UST: variants seen among roughly 807,000 people sequenced by gnomAD.
UST encodes chondroitin sulfate 2-O-sulfotransferase.
A neutral mutation model predicts 45.6 loss-of-function variants in UST; 21 were observed. The ratio of observed to expected loss-of-function variants is 0.46; its 90% CI spans 0.33 to 0.66. The LOEUF is 0.66. Among genes scored for constraint, UST ranks in the 30% least tolerant of loss-of-function variants. The probability of loss-of-function intolerance (pLI) is 0.02; values close to 1 mark genes in which losing one functional copy is unlikely to be tolerated. For missense variants in UST, 463 were observed against 512.4 expected (o/e 0.90, Z 0.93); for synonymous variants, 215 against 200.6 (o/e 1.07, Z -0.61).
intron 1 of UST, among the ~76,000 whole-genome samples, chr6:148,886,746 G>A (rs62426102): frequency 0.14 from 21,959 of 152,134 alleles, 1,813 homozygotes; most frequent in South Asian, 0.29. Context: ...TGTGTGTTAT[G>A]TATGTTTGTG....
intron 2 of UST, among the ~76,000 whole-genome samples, chr6:148,920,683 T>C (rs113653067): frequency 0.026 from 3,941 of 152,238 alleles, 181 homozygotes; most frequent in African/African-American, 0.09. Flanking sequence ...TGCATGCCAC[T>C]ATGCCTGGCT....
At chr6:148,859,873 A>G (rs2114798254) in intron 1 of UST, among the ~76,000 whole-genome samples, 1 of 152,300 alleles carries the variant, frequency 6.6e-6, no homozygotes, top group African/African-American at 2.4e-5. Flanking sequence ...TGGTACCAGT[A>G]CCGTGCTGTT....
Position 148,747,492 on chromosome 6 carries a change from T to A in UST, c.62T>A (p.Met21Lys). 6.6e-7 allele frequency: 1 copy of A among 1,517,910 alleles called. No individual in the cohort carries two copies. The highest frequency in any genetic ancestry group is 8.8e-7 in the Non-Finnish European group (1 of 1,132,514). The allele number at this position is 1,517,910 out of a possible 1,614,324, so 94.0% of individuals were successfully genotyped here. A position where few individuals can be genotyped will look rare whatever the true frequency, so the allele number is the denominator to read the frequency against. ...GATCCCTGGCCCCATGGGGCCCCTA[T>A]GGGGGGCGCCCCTCCGGGCCTGGGC... is the stretch of plus-strand genomic sequence containing the variant. ...GADPWPHGAP[M>K]GGAPPGLGSW... Residue 21 changes from methionine to lysine, a missense_variant, in exon 1 of 8, where the codon ATG (methionine) becomes AAG (lysine). Transcript: ENST00000367463.
chr6:148,828,173 C>T (rs1220201740), intron 1 of UST, among the ~76,000 whole-genome samples: 10 of 151,960 alleles, frequency 6.6e-5, no homozygotes, highest in East Asian at 1.9e-4. Context: ...TGTCAAATTA[C>T]GTATTTGTTC....
chr6:148,775,940 T>C (rs1776526754), intron 1 of UST, among the ~76,000 whole-genome samples: 1 of 152,138 alleles, frequency 6.6e-6, no homozygotes. Flanking sequence ...CCTGGTAAAA[T>C]ATGAATTTTA....
chr6:148,778,141 A>G lies in UST; in HGVS notation c.247+30464A>G, dbSNP rs149420235. Among the ~76,000 whole-genome samples, 384 of 152,312 alleles carry G rather than the reference A, an allele frequency of 2.5e-3. 3 individuals are homozygous for G. The highest frequency in any genetic ancestry group is 9.0e-3 in the African/African-American group (375 of 41,556). The stretch of plus-strand genomic sequence containing the variant: ...AATTGAAAAGTAAAAAATAAAAATA[A>G]TACAATAATTGTAATGATAAACTGA... On this transcript the variant is annotated intron_variant, in intron 1 of 7. Transcript: ENST00000367463.
chr6:148,916,334 T>G (rs901282598), intron 2 of UST, among the ~76,000 whole-genome samples: 1 of 152,218 alleles, frequency 6.6e-6, no homozygotes, highest in African/African-American at 2.4e-5. Context: ...TATGCTGTAT[T>G]GTAATAGATC....
intron 2 of UST, among the ~76,000 whole-genome samples, chr6:148,922,713 T>C (rs1172075333): frequency 6.6e-6 from 1 of 151,640 alleles, no homozygotes; most frequent in African/African-American, 2.4e-5. Flanking sequence ...GACCTCGTGA[T>C]CCGCCCGCCT....
chr6:149,059,469 G>A (rs1368856765), intron 7 of UST, among the ~76,000 whole-genome samples: 1 of 152,172 alleles, frequency 6.6e-6, no homozygotes, highest in Non-Finnish European at 1.5e-5. Flanking sequence ...CTCCTGTGGT[G>A]CCCCACTGTG....
intron 1 of UST, among the ~76,000 whole-genome samples, chr6:148,886,108 C>G (rs983171782): frequency 6.6e-6 from 1 of 152,166 alleles, no homozygotes; most frequent in Non-Finnish European, 1.5e-5. Context: ...CACACAGAAG[C>G]CTGAGATGGC....
Position 148,747,673 on chromosome 6 carries a change from C to T in UST, c.243C>T (p.Tyr81=), listed in dbSNP as rs1358951496. 1 of 1,598,674 alleles carries T rather than the reference C, an allele frequency of 6.3e-7. No individual in the cohort carries two copies. Among genetic ancestry groups the T allele is most frequent in the South Asian group, 1.1e-5 (1 of 88,920 alleles). The change falls in exon 1 of 8, where the codon TAC becomes TAT. Residue 81 remains tyrosine (Y), a synonymous_variant. Coordinates refer to ENST00000367463, the MANE Select transcript of UST (RefSeq NM_005715.3). ...PPRFLLDLRQ[Y]LGNSTYLDDH... The stretch of plus-strand genomic sequence containing the variant: ...GCTTCCTGCTCGACCTGCGGCAGTA[C>T]TTGGGTAAGGAAGCTGGGCAGGCGC...
chr6:148,942,627 G>C (rs1780150367), intron 3 of UST, among the ~76,000 whole-genome samples: 1 of 151,956 alleles, frequency 6.6e-6, no homozygotes, highest in Non-Finnish European at 1.5e-5. Context: ...ATTTTCTTTG[G>C]ACATAATCTC....
intron 5 of UST, among the ~76,000 whole-genome samples, chr6:149,005,763 C>A (rs1353443005): frequency 6.6e-6 from 1 of 152,178 alleles, no homozygotes; most frequent in African/African-American, 2.4e-5. Flanking sequence ...CCACCAGACA[C>A]CTAGCTGAGA....
Position 148,886,978 on chromosome 6 carries a change from T to C in UST, c.248-8T>C. ...ACGGATTCATCAACTTTTTCCTTTA[T>C]TTTCTAGGAAATTCCACTTACTTGG... On this transcript the variant is annotated splice_region_variant and splice_polypyrimidine_tract_variant and intron_variant, in intron 1 of 7. Coordinates refer to ENST00000367463, the MANE Select transcript of UST (RefSeq NM_005715.3). 1 of 1,611,376 alleles carries C rather than the reference T, an allele frequency of 6.2e-7. No homozygotes were observed. The highest frequency in any genetic ancestry group is 8.5e-7 in the Non-Finnish European group (1 of 1,178,578).
At chr6:148,840,773 T>C (rs1204321799) in intron 1 of UST, among the ~76,000 whole-genome samples, 1 of 152,184 alleles carries the variant, frequency 6.6e-6, no homozygotes, top group African/African-American at 2.4e-5. Flanking sequence ...TTGCTTAAGG[T>C]CAACTAATGC....
intron 1 of UST, among the ~76,000 whole-genome samples, chr6:148,849,993 T>C (rs1026568041): frequency 2.0e-5 from 3 of 152,224 alleles, no homozygotes; most frequent in Non-Finnish European, 4.4e-5. Context: ...GATACTGTTC[T>C]ATGTGGTATA....
chr6:148,912,876 T>A (rs1405844225), intron 2 of UST, among the ~76,000 whole-genome samples: 3 of 152,166 alleles, frequency 2.0e-5, no homozygotes, highest in Admixed American at 1.3e-4. Flanking sequence ...AGATACAGGG[T>A]GCACCTCAGT....
intron 2 of UST, among the ~76,000 whole-genome samples, chr6:148,913,404 C>T (rs1267948145): frequency 4.6e-5 from 6 of 129,074 alleles, no homozygotes; most frequent in East Asian, 2.1e-4. Flanking sequence ...TTCTACAGTC[C>T]GTATTTGGGA....
chr6:148,902,409 T>A (rs1483158638), intron 2 of UST, among the ~76,000 whole-genome samples: 2 of 149,538 alleles, frequency 1.3e-5, no homozygotes, highest in Admixed American at 6.7e-5. Context: ...TTTTTTTTTT[T>A]AATTTTAATA....
Sources: allele counts gnomAD v4.1 joint callset (sites outside exome capture counted in the v4.1 genomes callset), GRCh38; gene constraint gnomAD v4.1.1; transcripts MANE v1.5; gene names NCBI Gene and HGNC (gene_info 2026-07-23, HGNC 2026-07-21).